SLC9A7: variants seen among roughly 807,000 people sequenced by gnomAD.
SLC9A7 encodes the protein sodium/hydrogen exchanger 7.
A neutral mutation model predicts 52.6 loss-of-function variants in SLC9A7; 19 were observed. That is an observed-to-expected ratio of 0.36 (90% confidence interval 0.25 to 0.53). The LOEUF (loss-of-function observed/expected upper bound fraction) is 0.53. Among genes scored for constraint, SLC9A7 ranks in the 20% least tolerant of loss-of-function variants. The probability of loss-of-function intolerance (pLI) is 0.91; values close to 1 mark genes in which losing one functional copy is unlikely to be tolerated. For missense variants in SLC9A7, 455 were observed against 597.9 expected, an observed-to-expected ratio of 0.76 and a Z score of 2.49; for synonymous variants, 226 against 252.1, an observed-to-expected ratio of 0.90 and a Z score of 0.98.
chrX:46,731,870 G>A (rs1945047180), intron 1 of SLC9A7, among the ~76,000 whole-genome samples: 2 of 111,297 alleles, frequency 1.8e-5, no homozygotes, highest in South Asian at 7.4e-4. Context: ...AAATACGAAT[G>A]GCCCTTAAAA....
intron 1 of SLC9A7, among the ~76,000 whole-genome samples, chrX:46,748,596 GCAGTATTATT>G (rs1922008009): frequency 1.9e-5 from 2 of 102,849 alleles, no homozygotes; most frequent in Non-Finnish European, 3.9e-5. Flanking sequence ...CACACACACT[GCAGTATTATT>G]CAGCCACAGA....
intron 8 of SLC9A7, among the ~76,000 whole-genome samples, chrX:46,653,362 T>A (rs1247883403): frequency 8.9e-6 from 1 of 111,760 alleles, no homozygotes; most frequent in South Asian, 3.7e-4. Context: ...GCTGCTGCAC[T>A]CCAGCCTGGG....
At chrX:46,703,364 T>G (rs958161888) in intron 1 of SLC9A7, among the ~76,000 whole-genome samples, 1 of 112,290 alleles carries the variant, frequency 8.9e-6, no homozygotes, top group African/African-American at 3.2e-5. Context: ...CTTTCTAGGT[T>G]TTCTACTAGG....
intron 1 of SLC9A7, among the ~76,000 whole-genome samples, chrX:46,741,122 A>T (rs186427433): frequency 1.8e-5 from 2 of 112,088 alleles, no homozygotes; most frequent in East Asian, 2.8e-4. Flanking sequence ...AAACTATAAA[A>T]CATTTTTGAG....
chrX:46,666,497 A>G (rs1392256518), intron 5 of SLC9A7, among the ~76,000 whole-genome samples: 1 of 112,221 alleles, frequency 8.9e-6, no homozygotes, highest in East Asian at 2.8e-4. Context: ...ACATTTCAGG[A>G]ATATTTCTAT....
intron 3 of SLC9A7, among the ~76,000 whole-genome samples, chrX:46,675,187 C>G (rs1224386019): frequency 9.3e-6 from 1 of 107,246 alleles, no homozygotes; most frequent in Non-Finnish European, 1.9e-5. Flanking sequence ...GCCCTCTAAG[C>G]AAACCATGAG....
intron 1 of SLC9A7, among the ~76,000 whole-genome samples, chrX:46,709,475 G>A (rs1429212796): frequency 2.7e-5 from 3 of 111,009 alleles, no homozygotes; most frequent in African/African-American, 9.8e-5. Flanking sequence ...TAATACAACA[G>A]GCAGCTGCTC....
chrX:46,665,562 A>AAAAAAAAAAAAAAAAAAAAG (rs1569513654), intron 5 of SLC9A7, among the ~76,000 whole-genome samples: 8 of 105,721 alleles, frequency 7.6e-5, no homozygotes, highest in African/African-American at 2.5e-4. Context: ...CATCTCAAAA[A>AAAAAAAAAAAAAAAAAAAAG]AAAAAAAAAA....
intron 1 of SLC9A7, among the ~76,000 whole-genome samples, chrX:46,692,941 C>T (rs942460330): frequency 1.8e-5 from 2 of 110,693 alleles, no homozygotes; most frequent in African/African-American, 6.6e-5. Flanking sequence ...AGAAGCCATA[C>T]TTCTCCAAGC....
At chrX:46,741,098 A>G (rs1921319177) in intron 1 of SLC9A7, among the ~76,000 whole-genome samples, 1 of 112,078 alleles carries the variant, frequency 8.9e-6, no homozygotes, top group Non-Finnish European at 1.9e-5. Flanking sequence ...AATATATGTA[A>G]GACCTGTACA....
At chrX:46,713,553 C>A (rs1004112031) in intron 1 of SLC9A7, among the ~76,000 whole-genome samples, 1 of 109,476 alleles carries the variant, frequency 9.1e-6, no homozygotes, top group Admixed American at 9.8e-5. Flanking sequence ...ATGCACAAGG[C>A]TTCTCCAGGA....
intron 5 of SLC9A7, 61 bp from the exon 6 acceptor site, chrX:46,662,704 A>G: frequency 2.0e-5 from 18 of 878,526 alleles, no homozygotes; most frequent in Non-Finnish European, 2.6e-5. Flanking sequence ...ATCACTGATT[A>G]CAGATTTATA....
At position 46,758,686 on chromosome X, in the gene SLC9A7, G is replaced by A. The variant is rs781941349; in HGVS notation, c.325+19C>T. 10 of 1,097,694 alleles carry A rather than the reference G, an allele frequency of 9.1e-6. No individual in the cohort carries two copies. Among genetic ancestry groups the A allele is most frequent in the Admixed American group, 2.5e-5 (1 of 39,585 alleles). 90.5% of individuals were successfully genotyped at this position (1,097,694 alleles called of 1,213,427 possible). A position where few individuals can be genotyped will look rare whatever the true frequency, so the allele number is the denominator to read the frequency against. The stretch of plus-strand genomic sequence containing the variant: ...GGCCGAGGGGTGTGGAGGGCGGGGG[G>A]TGTAACAGGGGTGCTCACCATAGAT... On this transcript the variant is annotated intron_variant, in intron 1 of 16. Transcript: ENST00000616978.
rs1922909940 is a variant in SLC9A7 at position 46,758,948 on chromosome X, G to A, written c.82C>T (p.Leu28=). The A allele has an allele frequency of 9.3e-7, 1 of 1,078,226 alleles. No individual in the cohort carries two copies. 88.9% of individuals were successfully genotyped at this position (1,078,226 alleles called of 1,213,427 possible). Residue 28 remains leucine (L), a synonymous_variant, in exon 1 of 17, where the codon CTG becomes TTG. Coordinates refer to ENST00000616978, the MANE Select transcript of SLC9A7 (RefSeq NM_001257291.2). ...PPPRLLLLPL[L]LGWGLRVAAA... ...GCGACTCGCAGCCCCCAACCCAGCA[G>A]CAGCGGCAGCAGCAGCAGCCGCGGC... is the stretch of plus-strand genomic sequence containing the variant.
intron 1 of SLC9A7, among the ~76,000 whole-genome samples, chrX:46,687,761 T>C (rs1944317731): frequency 8.9e-6 from 1 of 112,459 alleles, no homozygotes; most frequent in Non-Finnish European, 1.9e-5. Flanking sequence ...TACTATTCAA[T>C]GATTTTTAGT....
Position 46,619,646 on chromosome X carries a change from G to T in SLC9A7, c.1823+1331C>A, listed in dbSNP as rs1029615871. Among the ~76,000 whole-genome samples, 69 of 110,886 alleles carry T rather than the reference G, an allele frequency of 6.2e-4. 1 individual carries two copies. The highest frequency in any genetic ancestry group is 1.9e-4 in the Non-Finnish European group (10 of 53,014). ...AAAACAGGTAAAACTATTAAGTGTT[G>T]CTAGAAGTCAACAGAGCAATTACAT... On this transcript the variant is annotated intron_variant, in intron 15 of 16. Transcript: ENST00000616978.
At chrX:46,659,604 G>A (rs1943775263) in intron 7 of SLC9A7, among the ~76,000 whole-genome samples, 1 of 43,616 alleles carries the variant, frequency 2.3e-5, no homozygotes, top group African/African-American at 1.2e-4. Context: ...GCCAAATCAT[G>A]AGTGAACTCC....
intron 13 of SLC9A7, among the ~76,000 whole-genome samples, chrX:46,633,695 G>A (rs934813299): frequency 2.9e-5 from 3 of 104,836 alleles, no homozygotes; most frequent in South Asian, 4.4e-4. Flanking sequence ...TTTTTGAGAC[G>A]GAGTCTCACT....
intron 1 of SLC9A7, among the ~76,000 whole-genome samples, chrX:46,739,786 C>T (rs1039389530): frequency 7.2e-5 from 8 of 111,676 alleles, no homozygotes; most frequent in African/African-American, 2.0e-4. Context: ...GACCTTGACT[C>T]TTTACCAGAT....
Sources: allele counts gnomAD v4.1 joint callset (sites outside exome capture counted in the v4.1 genomes callset), GRCh38; gene constraint gnomAD v4.1.1; transcripts MANE v1.5; gene names NCBI Gene and HGNC (gene_info 2026-07-23, HGNC 2026-07-21).